The following SHISAL1 variants were observed in gnomAD, a reference collection of about 807,000 sequenced individuals.
SHISAL1 encodes the protein shisa like 1.
Under a neutral mutation model 22.6 loss-of-function variants are expected in SHISAL1, and 9 were observed. The observed-to-expected ratio is 0.40, with a 90% CI of 0.24 to 0.70. The LOEUF is 0.70. SHISAL1 is among the 30% of genes least tolerant of loss of function. SHISAL1 has a pLI of 0.39. For missense variants in SHISAL1, 246 were observed against 270.6 expected (o/e 0.91, Z 0.64); for synonymous variants, 119 against 115.4 (o/e 1.03, Z -0.20).
intron 1 of SHISAL1, among the ~76,000 whole-genome samples, chr22:44,305,981 C>T (rs898007063): frequency 2.9e-4 from 44 of 152,340 alleles, no homozygotes; most frequent in African/African-American, 1.0e-3. Flanking sequence ...GAATAACCCG[C>T]CGTGCGTCAC....
intron 4 of SHISAL1, 77 bp from the exon 5 acceptor site, chr22:44,249,762 G>A (rs1041143724): frequency 3.9e-6 from 3 of 770,238 alleles, no homozygotes; most frequent in African/African-American, 3.4e-5. Flanking sequence ...CTCAGTGCCG[G>A]AAGAAGCCAG....
At chr22:44,318,603 CCA>C in the SHISAL1 span, among the ~76,000 whole-genome samples, 1 of 152,310 alleles carries the variant, frequency 6.6e-6, no homozygotes, top group Non-Finnish European at 1.5e-5. Flanking sequence ...GCTGCTAACC[CCA>C]GTTTTACTTC....
At position 44,249,623 on chromosome 22, in the gene SHISAL1, G is replaced by A. The variant is rs965404097; in HGVS notation, c.*62C>T. On this transcript the variant is annotated 3_prime_UTR_variant, in exon 5 of 5. Coordinates refer to ENST00000381176, the MANE Select transcript of SHISAL1 (RefSeq NM_001099294.2). Reference sequence around the variant, plus strand: ...CATCTCTGTAGAAGTTGTTCTTCTCGGAGGCTGCACCGGGTGCTTCAGATC... The same window carrying A: ...CATCTCTGTAGAAGTTGTTCTTCTCAGAGGCTGCACCGGGTGCTTCAGATC... 97 of 776,970 alleles carry A rather than the reference G, an allele frequency of 1.2e-4. 1 individual carries two copies. The highest frequency in any genetic ancestry group is 5.1e-4 in the South Asian group (38 of 74,340). 48.1% of individuals were successfully genotyped at this position (776,970 alleles called of 1,614,324 possible). A position where few individuals can be genotyped will look rare whatever the true frequency, so the allele number is the denominator to read the frequency against.
At chr22:44,259,554 G>A (rs978856801) in intron 4 of SHISAL1, among the ~76,000 whole-genome samples, 7 of 151,816 alleles carry the variant, frequency 4.6e-5, no homozygotes, top group East Asian at 1.9e-4. Flanking sequence ...TGGAGCCCTC[G>A]GTTGCACAAA....
At chr22:44,297,950 C>T (rs1368011658) in intron 2 of SHISAL1, among the ~76,000 whole-genome samples, 1 of 152,222 alleles carries the variant, frequency 6.6e-6, no homozygotes, top group Non-Finnish European at 1.5e-5. Flanking sequence ...CCCACCTACC[C>T]ACCCGGGGCT....
At chr22:44,269,877 G>C (rs1394652848) in intron 4 of SHISAL1, among the ~76,000 whole-genome samples, 2 of 152,188 alleles carry the variant, frequency 1.3e-5, no homozygotes, top group Admixed American at 1.3e-4. Context: ...CCTGTGCCCA[G>C]CTCCGCCCCT....
intron 4 of SHISAL1, among the ~76,000 whole-genome samples, chr22:44,258,849 A>G (rs1361135114): frequency 6.6e-6 from 1 of 152,122 alleles, no homozygotes; most frequent in Admixed American, 6.5e-5. Context: ...TGAGCATCAC[A>G]CTCAATTAAC....
chr22:44,260,227 C>T (rs1601777979), intron 4 of SHISAL1, among the ~76,000 whole-genome samples: 6 of 152,208 alleles, frequency 3.9e-5, no homozygotes, highest in Admixed American at 3.9e-4. Context: ...TGTACTGTTT[C>T]CTCTTAACCA....
intron 1 of SHISAL1, among the ~76,000 whole-genome samples, chr22:44,311,275 G>A (rs976628413): frequency 1.3e-5 from 2 of 152,312 alleles, no homozygotes; most frequent in South Asian, 4.2e-4. Flanking sequence ...TCAGGGCCAC[G>A]AGGAGAAGCA....
At position 44,253,425 on chromosome 22, in the gene SHISAL1, A is replaced by ATTTTTTTTTTTTTT. The variant is rs1491154287; in HGVS notation, c.*-3741_*-3740insAAAAAAAAAAAAAA. Among the ~76,000 whole-genome samples the ATTTTTTTTTTTTTT allele has an allele frequency of 4.6e-5, 5 of 107,884 alleles. 2 individuals are homozygous for ATTTTTTTTTTTTTT. Among genetic ancestry groups the ATTTTTTTTTTTTTT allele is most frequent in the African/African-American group, 9.7e-5 (3 of 31,034 alleles). The allele number at this position is 107,884 out of a possible 152,430, so 70.8% of individuals were successfully genotyped here. A position where few individuals can be genotyped will look rare whatever the true frequency, so the allele number is the denominator to read the frequency against. On this transcript the variant is annotated intron_variant, in intron 4 of 4. Coordinates refer to ENST00000381176, the MANE Select transcript of SHISAL1 (RefSeq NM_001099294.2). ...AAGCAGAGTATGCTAGTATTAGTGCATGTTTTTTTTTTTTTTTTTTTTTGA... is the reference window on the plus strand; with the variant it reads ...AAGCAGAGTATGCTAGTATTAGTGCATTTTTTTTTTTTTTTGTTTTTTTTTTTTTTTTTTTTTGA...
rs2054986194 is a variant in SHISAL1, at chr22:44,244,962, G to A, written c.*4723C>T. 1 of 152,252 alleles carries A rather than the reference G, an allele frequency of 6.6e-6. No individual in the cohort carries two copies. The highest frequency in any genetic ancestry group is 1.5e-5 in the Non-Finnish European group (1 of 68,066). 9.4% of individuals were successfully genotyped at this position (152,252 alleles called of 1,614,324 possible). A position where few individuals can be genotyped will look rare whatever the true frequency, so the allele number is the denominator to read the frequency against. On this transcript the variant is annotated 3_prime_UTR_variant, in exon 5 of 5. Transcript: ENST00000381176. Reference sequence around the variant, plus strand: ...CTACAGCAAGGAACTAGGGCACTGTGCATGGCATCTGGCACATAGTAAGTG... The same window carrying A: ...CTACAGCAAGGAACTAGGGCACTGTACATGGCATCTGGCACATAGTAAGTG...
In SHISAL1 at chr22:44,301,010, GGGCTGTCTCGCCTGACACT is replaced by G. The variant is rs2055424997; in HGVS notation, c.-32-52_-32-34del. On this transcript the variant is annotated intron_variant, in intron 1 of 4. Coordinates refer to ENST00000381176, the MANE Select transcript of SHISAL1 (RefSeq NM_001099294.2). ...ATGAGAGCCACGAGAGGCTGGGTGT[GGGCTGTCTCGCCTGACACT>G]GGCTTTCCTGCCCACAGCGGGGGAC... is the stretch of plus-strand genomic sequence containing the variant. 2.7e-6 allele frequency: 4 copies of G among 1,477,476 alleles called. No homozygotes were observed. The African/African-American group carries it at 5.5e-5, about 20-fold the overall frequency. 91.5% of individuals were successfully genotyped at this position (1,477,476 alleles called of 1,614,324 possible). A position where few individuals can be genotyped will look rare whatever the true frequency, so the allele number is the denominator to read the frequency against.
intron 4 of SHISAL1, among the ~76,000 whole-genome samples, chr22:44,257,254 C>T (rs989569014): frequency 3.9e-5 from 6 of 152,210 alleles, no homozygotes; most frequent in Non-Finnish European, 5.9e-5. Context: ...GGTACAAGCA[C>T]ATTAATCACA....
At chr22:44,264,989 A>C (rs1198006752) in intron 4 of SHISAL1, among the ~76,000 whole-genome samples, 2 of 143,854 alleles carry the variant, frequency 1.4e-5, no homozygotes, top group Non-Finnish European at 2.9e-5. Flanking sequence ...CAGATCCCTT[A>C]ACACACACAC....
At position 44,246,806 on chromosome 22, in the gene SHISAL1, G is replaced by A. The variant is rs1229155060; in HGVS notation, c.*2879C>T. 2 of 63,362 alleles carry A rather than the reference G, an allele frequency of 3.2e-5. No homozygotes were observed. The highest frequency in any genetic ancestry group is 7.1e-5 in the Non-Finnish European group (2 of 28,252). 3.9% of individuals were successfully genotyped at this position (63,362 alleles called of 1,614,324 possible). ...AGAAGCAGAGGCTCTGAGAGGTTAA[G>A]TGGCTCGTGGGGGTGACCTGCAGGA... is the stretch of plus-strand genomic sequence containing the variant. On this transcript the variant is annotated 3_prime_UTR_variant, in exon 5 of 5. Coordinates refer to ENST00000381176, the MANE Select transcript of SHISAL1 (RefSeq NM_001099294.2).
At chr22:44,274,892 GT>G (rs2055229281) in intron 4 of SHISAL1, among the ~76,000 whole-genome samples, 1 of 152,196 alleles carries the variant, frequency 6.6e-6, no homozygotes, top group Non-Finnish European at 1.5e-5. Context: ...GCCGGGCTCT[GT>G]TCCAGTCCTA....
chr22:44,268,488 G>T (rs1293088075), intron 4 of SHISAL1, among the ~76,000 whole-genome samples: 1 of 152,198 alleles, frequency 6.6e-6, no homozygotes, highest in Non-Finnish European at 1.5e-5. Flanking sequence ...AGGCTGAGGA[G>T]GGACACGGCC....
intron 2 of SHISAL1, 59 bp from the exon 3 acceptor site, chr22:44,296,944 G>T (rs924712587): frequency 7.2e-7 from 1 of 1,396,454 alleles, no homozygotes; most frequent in Non-Finnish European, 1.0e-6. Context: ...GGTGCCAAGA[G>T]GCAGGGGGAC....
chr22:44,269,291 C>T lies in SHISAL1; in HGVS notation c.599+16137G>A, dbSNP rs559824944. On this transcript the variant is annotated intron_variant, in intron 4 of 4. Coordinates refer to ENST00000381176, the MANE Select transcript of SHISAL1 (RefSeq NM_001099294.2). ...ACACCCACAACACACATACACACAC[C>T]CCATGCCACACACCATACTGCACAG... is the stretch of plus-strand genomic sequence containing the variant. Among the ~76,000 whole-genome samples, 6 of 141,026 alleles carry T rather than the reference C, an allele frequency of 4.3e-5. No homozygotes were observed. In the South Asian group the frequency reaches 1.4e-3, roughly 32 times the overall value. The allele number at this position is 141,026 out of a possible 152,430, so 92.5% of individuals were successfully genotyped here.
Sources: allele counts gnomAD v4.1 joint callset (sites outside exome capture counted in the v4.1 genomes callset), GRCh38; gene constraint gnomAD v4.1.1; transcripts MANE v1.5; gene names NCBI Gene and HGNC (gene_info 2026-07-23, HGNC 2026-07-21).